FAM174B: variants seen among roughly 807,000 people sequenced by gnomAD.
The protein encoded by FAM174B is family with sequence similarity 174 member B.
Under a neutral mutation model 10.9 loss-of-function variants are expected in FAM174B, and 12 were observed. That is an observed-to-expected ratio of 1.10 (90% CI 0.71 to 1.79). FAM174B has a LOEUF of 1.79. Among genes scored for constraint, FAM174B ranks in the 40% most tolerant of loss-of-function variants. The probability of loss-of-function intolerance (pLI) is 0.00; values close to 1 mark genes in which losing one functional copy is unlikely to be tolerated. For missense variants in FAM174B, 266 were observed against 233.3 expected (o/e 1.14, Z -0.91); for synonymous variants, 132 against 115.8 (o/e 1.14, Z -0.90).
intron 1 of FAM174B, among the ~76,000 whole-genome samples, chr15:92,643,311 C>T (rs962065250): frequency 1.4e-5 from 2 of 146,536 alleles, no homozygotes; most frequent in African/African-American, 5.0e-5. Context: ...TAAGTTATAT[C>T]TCACCAAAGT....
intron 1 of FAM174B, among the ~76,000 whole-genome samples, chr15:92,637,569 G>T (rs1567047278): frequency 6.6e-6 from 1 of 152,172 alleles, no homozygotes; most frequent in Non-Finnish European, 1.5e-5. Flanking sequence ...TTAATAGTTA[G>T]CCTTCCATAT....
chr15:92,625,799 A>G (rs2050748676), intron 2 of FAM174B, among the ~76,000 whole-genome samples: 1 of 152,260 alleles, frequency 6.6e-6, no homozygotes. Flanking sequence ...CTCTGTAATA[A>G]GAAAAGCCAG....
chr15:92,630,442 G>C (rs1437992043), intron 1 of FAM174B, 97 bp from the exon 2 acceptor site: 2 of 1,187,646 alleles, frequency 1.7e-6, no homozygotes, highest in Non-Finnish European at 2.4e-6. Context: ...TTAGCAGCTG[G>C]TGTTTAGTCA....
chr15:92,624,489 G>A (rs951825700), intron 2 of FAM174B, among the ~76,000 whole-genome samples: 2 of 152,172 alleles, frequency 1.3e-5, no homozygotes, highest in African/African-American at 4.8e-5. Context: ...GCGTCCATGG[G>A]GACTCAGAGC....
At chr15:92,636,639 G>A (rs2050857932) in intron 1 of FAM174B, among the ~76,000 whole-genome samples, 1 of 150,932 alleles carries the variant, frequency 6.6e-6, no homozygotes, top group South Asian at 2.1e-4. Context: ...GGCTGCATGG[G>A]GCTTGAGAGT....
chr15:92,653,836 C>A (rs1000090357), intron 1 of FAM174B, among the ~76,000 whole-genome samples: 1 of 152,232 alleles, frequency 6.6e-6, no homozygotes, highest in Non-Finnish European at 1.5e-5. Flanking sequence ...GGCTCAGAAG[C>A]GCTGGTTGAT....
intron 2 of FAM174B, 151 bp from the exon 3 acceptor site, chr15:92,619,610 G>C: frequency 1.2e-6 from 1 of 830,540 alleles, no homozygotes; most frequent in South Asian, 1.8e-5. Flanking sequence ...CTGTCTGGAA[G>C]GCGCAATCCA....
intron 2 of FAM174B, among the ~76,000 whole-genome samples, chr15:92,625,117 TAC>T (rs1369836776): frequency 6.6e-6 from 1 of 152,204 alleles, no homozygotes; most frequent in East Asian, 1.9e-4. Flanking sequence ...TCTTTTTAAG[TAC>T]AGAGTTAGAG....
chr15:92,638,843 G>A (rs992525494), intron 1 of FAM174B, among the ~76,000 whole-genome samples: 4 of 152,102 alleles, frequency 2.6e-5, no homozygotes, highest in Admixed American at 2.6e-4. Context: ...CTCTTCATAG[G>A]CACATCCCTG....
chr15:92,624,543 A>G (rs934027587), intron 2 of FAM174B, among the ~76,000 whole-genome samples: 2 of 152,246 alleles, frequency 1.3e-5, no homozygotes, highest in African/African-American at 4.8e-5. Context: ...CTCCCTGCCT[A>G]CCCTGCAGAG....
At chr15:92,620,814 CAAAAA>C in intron 2 of FAM174B, among the ~76,000 whole-genome samples, 1 of 71,374 alleles carries the variant, frequency 1.4e-5, no homozygotes, top group South Asian at 7.4e-4. Context: ...GACTCTGTCT[CAAAAA>C]AAAAAAAAAA....
Position 92,617,747 on chromosome 15 carries a change from G to A in FAM174B, c.*1709C>T, listed in dbSNP as rs1302786437. Reference sequence around the variant, plus strand: ...AGGCCTGAGTACACCGTGGAGAGGAGAGATAAAGCAGCCACGGCTGTTCTG... The same window carrying A: ...AGGCCTGAGTACACCGTGGAGAGGAAAGATAAAGCAGCCACGGCTGTTCTG... On this transcript the variant is annotated 3_prime_UTR_variant, in exon 3 of 3. Transcript: ENST00000327355. 1 of 601,780 alleles carries A rather than the reference G, an allele frequency of 1.7e-6. No individual in the cohort carries two copies. The highest frequency in any genetic ancestry group is 2.9e-6 in the Non-Finnish European group (1 of 339,208). 37.3% of individuals were successfully genotyped at this position (601,780 alleles called of 1,614,324 possible).
chr15:92,643,344 A>ATGTGTG (rs61322216), intron 1 of FAM174B, among the ~76,000 whole-genome samples: 5,241 of 138,136 alleles, frequency 0.038, 120 homozygotes, highest in African/African-American at 0.055. Context: ...TAGGGAAGGA[A>ATGTGTG]TGTGTGTGTG....
Position 92,619,321 on chromosome 15 carries a change from G to A in FAM174B, c.*135C>T. 1.1e-6 allele frequency: 1 copy of A among 930,684 alleles called. No homozygotes were observed. The highest frequency in any genetic ancestry group is 1.7e-6 in the Non-Finnish European group (1 of 574,026). 57.7% of individuals were successfully genotyped at this position (930,684 alleles called of 1,614,324 possible). On this transcript the variant is annotated 3_prime_UTR_variant, in exon 3 of 3. Coordinates refer to ENST00000327355, the MANE Select transcript of FAM174B (RefSeq NM_207446.3). Reference sequence around the variant, plus strand: ...GCAGATGCCTGACACGCACGATGGAGCTGGGGTTTTATACATAACGTTCGT... The same window carrying A: ...GCAGATGCCTGACACGCACGATGGAACTGGGGTTTTATACATAACGTTCGT...
At position 92,619,775 on chromosome 15, in the gene FAM174B, C is replaced by G. The variant is rs2050707027; in HGVS notation, c.477-316G>C. 6 of 435,178 alleles carry G rather than the reference C, an allele frequency of 1.4e-5. No individual in the cohort carries two copies. The South Asian group carries it at 2.6e-4, about 19-fold the overall frequency. 27.0% of individuals were successfully genotyped at this position (435,178 alleles called of 1,614,324 possible). ...GTTTACACTAGGGGTTGGAAAACTT[C>G]TTCTGTGACAGTCCAGAGAGGAAAT... On this transcript the variant is annotated intron_variant, in intron 2 of 2. Transcript: ENST00000327355.
At chr15:92,632,307 G>A (rs2050824673) in intron 1 of FAM174B, among the ~76,000 whole-genome samples, 1 of 152,208 alleles carries the variant, frequency 6.6e-6, no homozygotes, top group Non-Finnish European at 1.5e-5. Flanking sequence ...CACTTTGGGA[G>A]GCCAAGTCAG....
At position 92,618,009 on chromosome 15, in the gene FAM174B, C is replaced by T; in HGVS notation, c.*1447G>A. 1 of 308,826 alleles carries T rather than the reference C, an allele frequency of 3.2e-6. No individual in the cohort carries two copies. The highest frequency in any genetic ancestry group is 5.0e-5 in the East Asian group (1 of 19,818). 19.1% of individuals were successfully genotyped at this position (308,826 alleles called of 1,614,324 possible). A position where few individuals can be genotyped will look rare whatever the true frequency, so the allele number is the denominator to read the frequency against. The stretch of plus-strand genomic sequence containing the variant: ...GGCTGCCGAGCTCCCATGCCCCTTC[C>T]CACATATCCCAACTCTTCTCAGAAA... On this transcript the variant is annotated 3_prime_UTR_variant, in exon 3 of 3. Coordinates refer to ENST00000327355, the MANE Select transcript of FAM174B (RefSeq NM_207446.3).
In FAM174B at chr15:92,617,948, TC is replaced by T. The variant is rs1461719231; in HGVS notation, c.*1507del. Reference sequence around the variant, plus strand: ...AGGGCTTCCCACGGGCTCTGCTCTTTCCTGCAGAGGCGAAACTGCCTTCCTG... The same window carrying T: ...AGGGCTTCCCACGGGCTCTGCTCTTTCTGCAGAGGCGAAACTGCCTTCCTG... On this transcript the variant is annotated 3_prime_UTR_variant, in exon 3 of 3. Transcript: ENST00000327355. 7.9e-6 allele frequency: 3 copies of T among 378,410 alleles called. No homozygotes were observed. 23.4% of individuals were successfully genotyped at this position (378,410 alleles called of 1,614,324 possible). A position where few individuals can be genotyped will look rare whatever the true frequency, so the allele number is the denominator to read the frequency against.
chr15:92,630,683 T>C (rs994663681), intron 1 of FAM174B, among the ~76,000 whole-genome samples: 7 of 144,952 alleles, frequency 4.8e-5, no homozygotes, highest in East Asian at 2.0e-4. Context: ...ACAAATGCAA[T>C]ATATATTTTA....
Sources: allele counts gnomAD v4.1 joint callset (sites outside exome capture counted in the v4.1 genomes callset), GRCh38; gene constraint gnomAD v4.1.1; transcripts MANE v1.5; gene names NCBI Gene and HGNC (gene_info 2026-07-23, HGNC 2026-07-21).